Variants in ROBO2 observed in about 807,000 individuals in gnomAD.
ROBO2 encodes roundabout homolog 2.
Under a neutral mutation model 160.8 loss-of-function variants are expected in ROBO2, and 53 were observed. The observed-to-expected ratio is 0.33, with a 90% CI of 0.26 to 0.41. The LOEUF (loss-of-function observed/expected upper bound fraction) is 0.41, where lower values mean the gene tolerates loss of function less well. ROBO2 is among the 10% of genes least tolerant of loss of function. The pLI, the probability that ROBO2 is intolerant of heterozygous loss-of-function variation, is 1.00. For synonymous variants in ROBO2, 664 were observed against 611.7 expected (o/e 1.09, Z -1.26); for missense variants, 1,577 against 1,722.4 (o/e 0.92, Z 1.49).
intron 2 of ROBO2, among the ~76,000 whole-genome samples, chr3:77,028,588 T>C (rs2063118004): frequency 6.6e-6 from 1 of 151,982 alleles, no homozygotes; most frequent in African/African-American, 2.4e-5. Flanking sequence ...GGCATGGTGG[T>C]GTGTGCCTGT....
intron 2 of ROBO2, among the ~76,000 whole-genome samples, chr3:77,018,963 A>C (rs895077104): frequency 6.6e-6 from 1 of 152,092 alleles, no homozygotes; most frequent in Non-Finnish European, 1.5e-5. Flanking sequence ...ACCATGAAAA[A>C]ACAGCCCTCC....
intron 2 of ROBO2, among the ~76,000 whole-genome samples, chr3:76,889,560 T>A (rs2074178637): frequency 6.6e-6 from 1 of 152,206 alleles, no homozygotes; most frequent in South Asian, 2.1e-4. Flanking sequence ...CATTTCATAG[T>A]GATAACATTG....
intron 2 of ROBO2, among the ~76,000 whole-genome samples, chr3:76,746,765 C>T (rs2093899498): frequency 2.0e-5 from 3 of 152,084 alleles, no homozygotes; most frequent in Admixed American, 2.0e-4. Flanking sequence ...GGTATTAAGC[C>T]CAGCATGCAT....
intron 1 of ROBO2, among the ~76,000 whole-genome samples, chr3:75,921,296 GT>G (rs56142265): frequency 0.88 from 133,310 of 151,652 alleles, 58,661 homozygotes; most frequent in East Asian, 0.93. Flanking sequence ...ATGAAGCTTA[GT>G]TTGGCTGGTT....
At chr3:76,224,485 G>A (rs866362691) in intron 2 of ROBO2, among the ~76,000 whole-genome samples, 9 of 152,138 alleles carry the variant, frequency 5.9e-5, no homozygotes, top group African/African-American at 9.7e-5. Flanking sequence ...CTTTGGGCTC[G>A]TAATGGATTG....
At chr3:77,005,648 G>A (rs1236931404) in intron 2 of ROBO2, among the ~76,000 whole-genome samples, 1 of 152,134 alleles carries the variant, frequency 6.6e-6, no homozygotes, top group African/African-American at 2.4e-5. Context: ...GACAGTAGAA[G>A]GTTGTAAGGA....
chr3:76,736,068 G>T (rs2107942119), intron 2 of ROBO2, among the ~76,000 whole-genome samples: 1 of 151,756 alleles, frequency 6.6e-6, no homozygotes, highest in African/African-American at 2.4e-5. Context: ...CGGATCACGA[G>T]GTCAGGAGAT....
intron 2 of ROBO2, among the ~76,000 whole-genome samples, chr3:76,029,495 C>T (rs1299018066): frequency 6.6e-6 from 1 of 151,988 alleles, no homozygotes; most frequent in Non-Finnish European, 1.5e-5. Context: ...AAGTATTTCT[C>T]CTAAAGCTAT....
chr3:76,356,770 A>G (rs1158872640), intron 2 of ROBO2, among the ~76,000 whole-genome samples: 2 of 151,832 alleles, frequency 1.3e-5, no homozygotes, highest in African/African-American at 4.8e-5. Flanking sequence ...GACTTTATTG[A>G]CTTTTATTTA....
intron 2 of ROBO2, among the ~76,000 whole-genome samples, chr3:76,874,124 G>C (rs2072446026): frequency 6.6e-6 from 1 of 151,906 alleles, no homozygotes; most frequent in African/African-American, 2.4e-5. Context: ...GGGAATTTGA[G>C]AAAAGGAATT....
At chr3:77,379,755 G>A (rs931889529) in intron 2 of ROBO2, among the ~76,000 whole-genome samples, 8 of 152,088 alleles carry the variant, frequency 5.3e-5, no homozygotes, top group African/African-American at 1.9e-4. Context: ...CTCCCGCAGA[G>A]CTTGCTCTTA....
At chr3:75,920,474 G>A (rs1398307840) in intron 1 of ROBO2, among the ~76,000 whole-genome samples, 1 of 152,154 alleles carries the variant, frequency 6.6e-6, no homozygotes, top group Non-Finnish European at 1.5e-5. Flanking sequence ...TAGAATAAGT[G>A]CTATGTGGTG....
chr3:77,344,065 C>T lies in ROBO2; in HGVS notation c.389-133349C>T, dbSNP rs536231219. On this transcript the variant is annotated intron_variant, in intron 2 of 25. Coordinates refer to ENST00000461745, the Ensembl canonical transcript of ROBO2. ...TGATTAGTAAATAAGTGATCAAGAA[C>T]TGTAAATGCAAAGAAGAATATAAAC... is the stretch of plus-strand genomic sequence containing the variant. Among the ~76,000 whole-genome samples, 20 of 152,140 alleles carry T rather than the reference C, an allele frequency of 1.3e-4. 1 individual carries two copies. Among genetic ancestry groups the T allele is most frequent in the African/African-American group, 4.6e-4 (19 of 41,532 alleles).
At chr3:76,642,833 C>T (rs972542021) in intron 2 of ROBO2, among the ~76,000 whole-genome samples, 15 of 152,070 alleles carry the variant, frequency 9.9e-5, no homozygotes, top group Admixed American at 6.5e-4. Flanking sequence ...TGAGCTCTTA[C>T]AAAATAACTG....
chr3:77,324,698 C>T (rs534075136), intron 2 of ROBO2, among the ~76,000 whole-genome samples: 52 of 148,240 alleles, frequency 3.5e-4, no homozygotes, highest in African/African-American at 1.2e-3. Context: ...AGGAGAATGG[C>T]GTGAACCTGG....
intron 2 of ROBO2, among the ~76,000 whole-genome samples, chr3:76,721,600 C>T (rs1002791017): frequency 2.6e-5 from 4 of 152,260 alleles, no homozygotes; most frequent in African/African-American, 7.2e-5. Flanking sequence ...CTTCAAAGCT[C>T]GATTCTGGAT....
At chr3:76,796,009 T>G (rs574079109) in intron 2 of ROBO2, among the ~76,000 whole-genome samples, 1 of 152,270 alleles carries the variant, frequency 6.6e-6, no homozygotes, top group Admixed American at 6.5e-5. Flanking sequence ...GTACTATCAA[T>G]GAGCAACAAA....
chr3:76,071,410 A>T (rs1314964043), intron 2 of ROBO2, among the ~76,000 whole-genome samples: 1 of 152,200 alleles, frequency 6.6e-6, no homozygotes, highest in African/African-American at 2.4e-5. Flanking sequence ...CTCATCAGTA[A>T]CTATCTAATT....
At chr3:77,330,721 A>G (rs554219779) in intron 2 of ROBO2, among the ~76,000 whole-genome samples, 1 of 152,290 alleles carries the variant, frequency 6.6e-6, no homozygotes, top group South Asian at 2.1e-4. Flanking sequence ...AGGTTTTACA[A>G]GGTCTTCAAG....
Sources: gnomAD v4.1 joint callset for allele counts (sites outside exome capture counted in the v4.1 genomes callset) on GRCh38, gnomAD v4.1.1 for gene constraint, MANE v1.5 for transcripts, NCBI Gene and HGNC (gene_info 2026-07-23, HGNC 2026-07-21) for gene names.